Variants in ASB4 observed in about 807,000 individuals in gnomAD.
ASB4 encodes ankyrin repeat and SOCS box protein 4.
A neutral mutation model predicts 38.6 loss-of-function variants in ASB4; 35 were observed. The observed-to-expected ratio is 0.91, with a 90% CI of 0.69 to 1.20. ASB4 has a LOEUF of 1.20. ASB4 is among the 50% of genes most tolerant of loss of function. The pLI, the probability that ASB4 is intolerant of heterozygous loss-of-function variation, is 0.00. For synonymous variants in ASB4, 195 were observed against 201.3 expected, an observed-to-expected ratio of 0.97 and a Z score of 0.26; for missense variants, 557 against 527.2, an observed-to-expected ratio of 1.06 and a Z score of -0.55.
chr7:95,535,092 TCTTA>T (rs746459820), intron 3 of ASB4, among the ~76,000 whole-genome samples: 11 of 152,066 alleles, frequency 7.2e-5, no homozygotes, highest in Non-Finnish European at 1.3e-4. Context: ...ATGCGCACAC[TCTTA>T]CTTAGTTGGA....
At chr7:95,491,231 C>T (rs958220645) in intron 1 of ASB4, among the ~76,000 whole-genome samples, 11 of 152,142 alleles carry the variant, frequency 7.2e-5, no homozygotes, top group African/African-American at 2.7e-4. Flanking sequence ...GTTTTGTACA[C>T]AGGGGAAATA....
At chr7:95,515,614 C>T (rs557485409) in intron 2 of ASB4, among the ~76,000 whole-genome samples, 1 of 152,158 alleles carries the variant, frequency 6.6e-6, no homozygotes, top group Admixed American at 6.5e-5. Context: ...CGGGGTTTCC[C>T]CATGTTGACC....
chr7:95,550,943 T>C, the ASB4 span, among the ~76,000 whole-genome samples: 1 of 152,150 alleles, frequency 6.6e-6, no homozygotes, highest in Non-Finnish European at 1.5e-5. Context: ...AAATTAAATA[T>C]TTACCATGTT....
At chr7:95,531,359 C>T (rs1267784436) in intron 3 of ASB4, among the ~76,000 whole-genome samples, 1 of 152,178 alleles carries the variant, frequency 6.6e-6, no homozygotes, top group Non-Finnish European at 1.5e-5. Context: ...CTTCACAAAG[C>T]ATAATTTTCT....
At chr7:95,518,737 G>A (rs1055474815) in intron 2 of ASB4, among the ~76,000 whole-genome samples, 2 of 152,174 alleles carry the variant, frequency 1.3e-5, no homozygotes, top group Non-Finnish European at 2.9e-5. Flanking sequence ...CTGCAGGAAC[G>A]ACCAATGAGA....
At chr7:95,532,837 A>G (rs942103375) in intron 3 of ASB4, among the ~76,000 whole-genome samples, 2 of 152,194 alleles carry the variant, frequency 1.3e-5, no homozygotes, top group African/African-American at 4.8e-5. Flanking sequence ...TTGTTCCTCC[A>G]TGAAGGGAGA....
intron 3 of ASB4, among the ~76,000 whole-genome samples, chr7:95,531,334 C>G (rs61121205): frequency 0.27 from 40,982 of 152,120 alleles, 6,208 homozygotes; most frequent in East Asian, 0.69. Flanking sequence ...ACATCTACCT[C>G]TGTAATACAG....
the ASB4 span, among the ~76,000 whole-genome samples, chr7:95,472,232 A>ATATG: frequency 0.4 from 61,405 of 151,722 alleles, 12,768 homozygotes; most frequent in African/African-American, 0.48. Flanking sequence ...TTTCCCCAAA[A>ATATG]ATGTGTCCAA....
chr7:95,529,331 T>A (rs574239361), intron 3 of ASB4, among the ~76,000 whole-genome samples: 1 of 152,346 alleles, frequency 6.6e-6, no homozygotes, highest in Admixed American at 6.5e-5. Context: ...GTTTGAAGTA[T>A]ACAACAACTG....
At chr7:95,517,245 T>C (rs1461486112) in intron 2 of ASB4, among the ~76,000 whole-genome samples, 6 of 152,146 alleles carry the variant, frequency 3.9e-5, no homozygotes, top group Middle Eastern at 3.2e-3. Flanking sequence ...CATAGCTCAC[T>C]GTAACCTCAA....
At chr7:95,536,750 G>C (rs1249887421) in intron 4 of ASB4, among the ~76,000 whole-genome samples, 200 bp downstream of exon 4, 1 of 152,140 alleles carries the variant, frequency 6.6e-6, no homozygotes, top group South Asian at 2.1e-4. Flanking sequence ...GAGTGTCTTG[G>C]GGAATTCCTC....
chr7:95,502,400 G>C (rs111964010), intron 2 of ASB4, among the ~76,000 whole-genome samples: 12 of 149,328 alleles, frequency 8.0e-5, no homozygotes, highest in African/African-American at 2.9e-4. Context: ...GCGGGGGGGG[G>C]GCAAATTGAT....
intron 2 of ASB4, among the ~76,000 whole-genome samples, chr7:95,498,543 C>T (rs1258489285): frequency 6.6e-6 from 1 of 152,104 alleles, no homozygotes; most frequent in Non-Finnish European, 1.5e-5. Flanking sequence ...AAATGGGTTG[C>T]CTGTATTCTT....
chr7:95,530,073 G>C (rs1018235232), intron 3 of ASB4, among the ~76,000 whole-genome samples: 3 of 125,908 alleles, frequency 2.4e-5, no homozygotes, highest in Non-Finnish European at 3.2e-5. Context: ...AATATACTCT[G>C]ATATGTTAGG....
At chr7:95,496,215 G>T in intron 2 of ASB4, 158 bp downstream of exon 2, 1 of 587,906 alleles carries the variant, frequency 1.7e-6, no homozygotes, top group Non-Finnish European at 2.9e-6. Flanking sequence ...GTTGATTCAG[G>T]TAATTCAATG....
intron 1 of ASB4, among the ~76,000 whole-genome samples, chr7:95,488,517 C>T (rs1790124968): frequency 6.6e-6 from 1 of 152,198 alleles, no homozygotes; most frequent in African/African-American, 2.4e-5. Flanking sequence ...CATTGTCAGG[C>T]AACAGCGTGG....
chr7:95,509,083 G>C (rs752132995), intron 2 of ASB4, among the ~76,000 whole-genome samples: 1 of 152,132 alleles, frequency 6.6e-6, no homozygotes, highest in Admixed American at 6.5e-5. Flanking sequence ...CATTCATGTG[G>C]TATTAAAGAC....
In ASB4 at chr7:95,513,652, T is replaced by C. The variant is rs191334386; in HGVS notation, c.488-14161T>C. ...TGTTTGACCAAATAGCTAAGCAGCA[T>C]GGCCCAGCCAAGTTGTTACATAAAA... On this transcript the variant is annotated intron_variant, in intron 2 of 4. Transcript: ENST00000325885. Among the ~76,000 whole-genome samples the C allele has an allele frequency of 6.6e-5, 10 of 152,316 alleles. No individual in the cohort carries two copies. In the East Asian group the frequency reaches 1.9e-3, roughly 29 times the overall value.
At chr7:95,513,253 G>GTTT (rs536945120) in intron 2 of ASB4, among the ~76,000 whole-genome samples, 5 of 77,040 alleles carry the variant, frequency 6.5e-5, no homozygotes, top group African/African-American at 1.6e-4. Flanking sequence ...TTTTTTGTTT[G>GTTT]TTTTTTTTTT....
Sources: allele counts gnomAD v4.1 joint callset (sites outside exome capture counted in the v4.1 genomes callset), GRCh38; gene constraint gnomAD v4.1.1; transcripts MANE v1.5; gene names NCBI Gene and HGNC (gene_info 2026-07-23, HGNC 2026-07-21).